Variants in CDK5RAP1 observed in about 807,000 individuals in gnomAD.
CDK5RAP1 encodes the protein CDK5RAP1 mitochondrial tRNA methylthiotransferase, also known as mitochondrial tRNA methylthiotransferase CDK5RAP1.
Under a neutral mutation model 64.5 loss-of-function variants are expected in CDK5RAP1, and 62 were observed. The observed-to-expected ratio is 0.96, with a 90% CI of 0.78 to 1.19. The LOEUF (loss-of-function observed/expected upper bound fraction) is 1.19. CDK5RAP1 is among the 50% of genes most tolerant of loss of function. CDK5RAP1 has a pLI of 0.00. For synonymous variants in CDK5RAP1, 250 were observed against 261.9 expected (o/e 0.95, Z 0.44); for missense variants, 657 against 735.0 (o/e 0.89, Z 1.23).
At chr20:33,362,291 G>C (rs1311332352) in intron 12 of CDK5RAP1, among the ~76,000 whole-genome samples, 1 of 152,140 alleles carries the variant, frequency 6.6e-6, no homozygotes, top group Non-Finnish European at 1.5e-5. Flanking sequence ...AAATGGCATA[G>C]AGTAAAGAAG....
intron 3 of CDK5RAP1, 133 bp downstream of exon 3, chr20:33,394,880 T>C (rs1988745165): frequency 1.5e-6 from 1 of 670,260 alleles, no homozygotes; most frequent in Non-Finnish European, 2.7e-6. Context: ...CTCAGTCCCA[T>C]GGTGAACACT....
chr20:33,393,684 C>T (rs148697315), intron 4 of CDK5RAP1, among the ~76,000 whole-genome samples: 1 of 152,262 alleles, frequency 6.6e-6, no homozygotes, highest in Non-Finnish European at 1.5e-5. Flanking sequence ...CTACCCCGGG[C>T]AGCTATATTA....
chr20:33,391,249 T>TTA (rs1555811563), intron 5 of CDK5RAP1, among the ~76,000 whole-genome samples: 2 of 107,366 alleles, frequency 1.9e-5, no homozygotes, highest in African/African-American at 3.7e-5. Flanking sequence ...ACTCTGTTTT[T>TTA]AAAAAAAAAA....
At chr20:33,388,288 A>T (rs1987717685) in intron 5 of CDK5RAP1, among the ~76,000 whole-genome samples, 1 of 152,068 alleles carries the variant, frequency 6.6e-6, no homozygotes, top group Non-Finnish European at 1.5e-5. Flanking sequence ...TATCTTCCAT[A>T]TCCTTAAAAA....
Position 33,379,425 on chromosome 20 carries a change from C to T in CDK5RAP1, c.1107+36G>A, listed in dbSNP as rs769500297. On this transcript the variant is annotated intron_variant, in intron 8 of 13. Coordinates refer to ENST00000346416, the MANE Select transcript of CDK5RAP1 (RefSeq NM_016408.4). ...CCAGCCTTTGGCATGCTCAAGAATA[C>T]TAATATCAGTTTGTCACAGCTAACC... 3.4e-6 allele frequency: 5 copies of T among 1,465,104 alleles called. No individual in the cohort carries two copies. The South Asian group carries it at 4.6e-5, about 13-fold the overall frequency. The allele number at this position is 1,465,104 out of a possible 1,614,324, so 90.8% of individuals were successfully genotyped here.
At chr20:33,365,108 C>T (rs960500319) in intron 12 of CDK5RAP1, among the ~76,000 whole-genome samples, 7 of 151,848 alleles carry the variant, frequency 4.6e-5, no homozygotes, top group Middle Eastern at 3.2e-3. Flanking sequence ...GTTGCCTAAG[C>T]TGGTTTTGAA....
intron 13 of CDK5RAP1, chr20:33,359,998 C>T (rs1426941464): frequency 1.5e-5 from 3 of 206,328 alleles, no homozygotes; most frequent in Admixed American, 5.3e-5. Flanking sequence ...AGGCCTGAGC[C>T]GTCAGAGATC....
At position 33,387,335 on chromosome 20, in the gene CDK5RAP1, G is replaced by A. The variant is rs773852262; in HGVS notation, c.743C>T (p.Thr248Met). 5 of 1,613,188 alleles carry A rather than the reference G, an allele frequency of 3.1e-6. No individual in the cohort carries two copies. Among genetic ancestry groups the A allele is most frequent in the Non-Finnish European group, 3.4e-6 (4 of 1,179,360 alleles). Reference protein sequence around the residue: ...VMPVQTSASATSAFVSIMRGC... With the variant: ...VMPVQTSASAMSAFVSIMRGC... Reference sequence around the variant, plus strand: ...GGCAGTGACTCACACAAAGGCAGACGTGGCACTGGCGCTTGTCTGGACTGG... The same window carrying A: ...GGCAGTGACTCACACAAAGGCAGACATGGCACTGGCGCTTGTCTGGACTGG... The change falls in exon 6 of 14, where the codon ACG (threonine) becomes ATG (methionine). Residue 248 changes from threonine (T) to methionine (M), a missense_variant. Transcript: ENST00000346416.
chr20:33,381,140 G>A (rs779717590), intron 7 of CDK5RAP1, among the ~76,000 whole-genome samples: 1 of 152,104 alleles, frequency 6.6e-6, no homozygotes, highest in Non-Finnish European at 1.5e-5. Context: ...TTCATCAAAT[G>A]TTAACACTGC....
At chr20:33,388,931 A>G (rs1484548378) in intron 5 of CDK5RAP1, among the ~76,000 whole-genome samples, 2 of 152,100 alleles carry the variant, frequency 1.3e-5, no homozygotes, top group Non-Finnish European at 2.9e-5. Flanking sequence ...TCAGTGCTCA[A>G]TGTTGCCAGG....
intron 6 of CDK5RAP1, 32 bp from the exon 7 acceptor site, chr20:33,385,802 G>A: frequency 6.3e-7 from 1 of 1,595,228 alleles, no homozygotes; most frequent in Non-Finnish European, 8.5e-7. Flanking sequence ...CTTAGTAACA[G>A]TAGCAGGGTG....
chr20:33,379,804 A>G, intron 7 of CDK5RAP1, 113 bp from the exon 8 acceptor site: 1 of 782,716 alleles, frequency 1.3e-6, no homozygotes, highest in Non-Finnish European at 2.0e-6. Flanking sequence ...CAAAAGAAAA[A>G]TCGAACCTAC....
intron 11 of CDK5RAP1, 128 bp downstream of exon 11, chr20:33,370,371 G>C: frequency 1.1e-6 from 1 of 897,320 alleles, no homozygotes; most frequent in Non-Finnish European, 1.7e-6. Context: ...GAACGGAAGT[G>C]AATCGTAAGA....
At chr20:33,394,226 C>G (rs1232452237) in intron 3 of CDK5RAP1, among the ~76,000 whole-genome samples, 160 bp from the exon 4 acceptor site, 1 of 149,476 alleles carries the variant, frequency 6.7e-6, no homozygotes. Flanking sequence ...GTGGGGCAAT[C>G]TCAGCTCACT....
intron 3 of CDK5RAP1, among the ~76,000 whole-genome samples, chr20:33,394,447 C>T (rs1393799549): frequency 6.6e-6 from 1 of 151,458 alleles, no homozygotes; most frequent in African/African-American, 2.4e-5. Context: ...CCACTACACC[C>T]GGCCTATTAT....
At chr20:33,368,708 C>A (rs1984458418) in intron 11 of CDK5RAP1, among the ~76,000 whole-genome samples, 1 of 151,790 alleles carries the variant, frequency 6.6e-6, no homozygotes, top group Non-Finnish European at 1.5e-5. Flanking sequence ...CCCATCTCTA[C>A]TAAAAATACA....
intron 4 of CDK5RAP1, among the ~76,000 whole-genome samples, chr20:33,393,346 GTT>G (rs1340334609): frequency 6.6e-6 from 1 of 151,904 alleles, no homozygotes; most frequent in Non-Finnish European, 1.5e-5. Context: ...CAGCCTCATT[GTT>G]TGATTTTTTT....
In CDK5RAP1 at chr20:33,382,155, C is replaced by T. The variant is rs535046115; in HGVS notation, c.877-2464G>A. On this transcript the variant is annotated intron_variant, in intron 7 of 13. Coordinates refer to ENST00000346416, the MANE Select transcript of CDK5RAP1 (RefSeq NM_016408.4). The stretch of plus-strand genomic sequence containing the variant: ...TGTACCAAAGAAAGATGGCAATGCT[C>T]GAGGAAACTCTCTTTGCAACTTTCC... Among the ~76,000 whole-genome samples the T allele has an allele frequency of 1.3e-3, 205 of 152,194 alleles. 2 individuals are homozygous for T. Among genetic ancestry groups the T allele is most frequent in the Admixed American group, 0.013 (200 of 15,288 alleles).
chr20:33,398,753 T>C (rs1337551160), intron 1 of CDK5RAP1, among the ~76,000 whole-genome samples: 1 of 151,904 alleles, frequency 6.6e-6, no homozygotes, highest in Non-Finnish European at 1.5e-5. Flanking sequence ...TAGTGAGACC[T>C]CATCTCTATA....
Sources: gnomAD v4.1 joint callset for allele counts (sites outside exome capture counted in the v4.1 genomes callset) on GRCh38, gnomAD v4.1.1 for gene constraint, MANE v1.5 for transcripts, NCBI Gene and HGNC (gene_info 2026-07-23, HGNC 2026-07-21) for gene names.